The following PDCD1LG2 variants were observed in gnomAD, a reference collection of about 807,000 sequenced individuals.
PDCD1LG2 encodes the protein B7 dendritic cell molecule.
In PDCD1LG2, 32 loss-of-function variants were observed where a neutral mutation model predicts 28.2. The ratio of observed to expected loss-of-function variants is 1.13; its 90% CI spans 0.86 to 1.52. The LOEUF is 1.52. PDCD1LG2 is among the 40% of genes most tolerant of loss of function. The probability of loss-of-function intolerance (pLI) is 0.00; values close to 1 mark genes in which losing one functional copy is unlikely to be tolerated. For synonymous variants in PDCD1LG2, 116 were observed against 120.2 expected, an observed-to-expected ratio of 0.97 and a Z score of 0.23; for missense variants, 385 against 323.8, an observed-to-expected ratio of 1.19 and a Z score of -1.45.
intron 3 of PDCD1LG2, among the ~76,000 whole-genome samples, chr9:5,547,262 A>G (rs184961121): frequency 7.2e-4 from 110 of 152,310 alleles, no homozygotes; most frequent in African/African-American, 2.4e-3. Context: ...AAGTTGTATC[A>G]CACCTCTGCC....
At chr9:5,534,105 G>A (rs1157089402) in intron 2 of PDCD1LG2, among the ~76,000 whole-genome samples, 2 of 152,012 alleles carry the variant, frequency 1.3e-5, no homozygotes, top group Non-Finnish European at 2.9e-5. Context: ...CTGAAAAAAA[G>A]GATAGAATAT....
chr9:5,553,617 C>T (rs1816380742), intron 4 of PDCD1LG2, among the ~76,000 whole-genome samples: 1 of 152,240 alleles, frequency 6.6e-6, no homozygotes, highest in South Asian at 2.1e-4. Context: ...GCTCTGGAAG[C>T]CTTTACGCTG....
chr9:5,571,065 C>T lies in PDCD1LG2; in HGVS notation c.*1106C>T, dbSNP rs1816759471. 4.3e-6 allele frequency: 1 copy of T among 232,244 alleles called. No individual in the cohort carries two copies. The highest frequency in any genetic ancestry group is 1.8e-4 in the South Asian group (1 of 5,522). The allele number at this position is 232,244 out of a possible 1,614,324, so 14.4% of individuals were successfully genotyped here. ...CTGACCCTTGAACTATTCAAATGGG[C>T]ACATTAGCTAGTATAACAGACTTAC... On this transcript the variant is annotated 3_prime_UTR_variant, in exon 7 of 7. Transcript: ENST00000397747.
intron 1 of PDCD1LG2, among the ~76,000 whole-genome samples, chr9:5,513,972 A>T (rs974439206): frequency 6.6e-6 from 1 of 152,214 alleles, no homozygotes; most frequent in Non-Finnish European, 1.5e-5. Context: ...GGTATTTCAG[A>T]TCAATTGGGT....
In PDCD1LG2 at chr9:5,515,461, A is replaced by G. The variant is rs550238809; in HGVS notation, c.-15+4658A>G. On this transcript the variant is annotated intron_variant, in intron 1 of 6. Transcript: ENST00000397747. The stretch of plus-strand genomic sequence containing the variant: ...CCAGAAAAAATGAGGTATGTGGACA[A>G]CTGGAGGGTGAGCAAGGCGGAGAGG... 5.3e-5 allele frequency among the ~76,000 whole-genome samples: 8 copies of G among 152,338 alleles called. 1 individual carries two copies. The South Asian group carries it at 1.7e-3, about 32-fold the overall frequency.
At chr9:5,513,553 C>A (rs912893645) in intron 1 of PDCD1LG2, among the ~76,000 whole-genome samples, 4 of 152,220 alleles carry the variant, frequency 2.6e-5, no homozygotes, top group African/African-American at 9.6e-5. Flanking sequence ...TATGAATTCT[C>A]ACAACTTTCT....
At chr9:5,543,814 T>A (rs1820740169) in intron 3 of PDCD1LG2, among the ~76,000 whole-genome samples, 1 of 45,334 alleles carries the variant, frequency 2.2e-5, no homozygotes, top group Non-Finnish European at 4.1e-5. Flanking sequence ...ACACGTTTTT[T>A]AAAAATAAAG....
intron 6 of PDCD1LG2, among the ~76,000 whole-genome samples, chr9:5,568,987 C>T (rs989311772): frequency 6.6e-6 from 1 of 152,108 alleles, no homozygotes; most frequent in Admixed American, 6.6e-5. Context: ...ACAGCAAACT[C>T]TTCTAGATAG....
intron 1 of PDCD1LG2, among the ~76,000 whole-genome samples, chr9:5,515,939 AAAAAAAAAAAG>A (rs1563819252): frequency 6.7e-6 from 1 of 150,042 alleles, no homozygotes; most frequent in Non-Finnish European, 1.5e-5. Context: ...AAAAAAAAAA[AAAAAAAAAAAG>A]AAAAGAAAGA....
chr9:5,536,993 A>C (rs2129808001), intron 3 of PDCD1LG2, among the ~76,000 whole-genome samples: 1 of 152,330 alleles, frequency 6.6e-6, no homozygotes. Flanking sequence ...TATAGTGTTA[A>C]ATAAAAGAAT....
intron 2 of PDCD1LG2, among the ~76,000 whole-genome samples, chr9:5,523,039 T>C (rs1820307126): frequency 6.6e-6 from 1 of 152,192 alleles, no homozygotes; most frequent in Admixed American, 6.5e-5. Context: ...TGCATATTAT[T>C]AGTTGTTTCT....
At chr9:5,512,723 G>C (rs929035166) in intron 1 of PDCD1LG2, among the ~76,000 whole-genome samples, 1 of 151,812 alleles carries the variant, frequency 6.6e-6, no homozygotes, top group Non-Finnish European at 1.5e-5. Flanking sequence ...CAATTTTTTG[G>C]AATGCTTATG....
chr9:5,530,962 GA>G (rs1412376309), intron 2 of PDCD1LG2, among the ~76,000 whole-genome samples: 1 of 152,230 alleles, frequency 6.6e-6, no homozygotes, highest in Non-Finnish European at 1.5e-5. Context: ...ACAACACTTT[GA>G]AGGCAAGGTG....
At chr9:5,541,794 C>T (rs534299635) in intron 3 of PDCD1LG2, among the ~76,000 whole-genome samples, 1 of 152,150 alleles carries the variant, frequency 6.6e-6, no homozygotes, top group South Asian at 2.1e-4. Flanking sequence ...CATCAAAATA[C>T]TACCATCATT....
At chr9:5,536,226 G>C (rs775474707) in intron 3 of PDCD1LG2, among the ~76,000 whole-genome samples, 3 of 152,152 alleles carry the variant, frequency 2.0e-5, no homozygotes, top group African/African-American at 7.2e-5. Flanking sequence ...TGTAGAAGAC[G>C]AACAATAGTA....
intron 6 of PDCD1LG2, among the ~76,000 whole-genome samples, chr9:5,566,197 G>A (rs925721569): frequency 1.3e-5 from 2 of 152,202 alleles, no homozygotes; most frequent in African/African-American, 4.8e-5. Context: ...CATGTCCCTT[G>A]CATGTACTTC....
chr9:5,517,719 G>A (rs78492353), intron 1 of PDCD1LG2, among the ~76,000 whole-genome samples: 3,111 of 152,294 alleles, frequency 0.02, 69 homozygotes, highest in East Asian at 0.09. Flanking sequence ...GACTCTGACC[G>A]ATATGGAAGC....
intron 1 of PDCD1LG2, 22 bp from the exon 2 acceptor site, chr9:5,522,511 G>A: frequency 3.1e-6 from 5 of 1,595,912 alleles, no homozygotes; most frequent in Non-Finnish European, 4.3e-6. Flanking sequence ...AAGGCCCTGA[G>A]ACTTTCAATT....
chr9:5,547,114 C>A (rs369913493), intron 3 of PDCD1LG2, among the ~76,000 whole-genome samples: 6 of 152,160 alleles, frequency 3.9e-5, no homozygotes, highest in African/African-American at 1.4e-4. Flanking sequence ...GGACGTGGCA[C>A]AAAGCTCAAC....
Sources: gnomAD v4.1 joint callset for allele counts (sites outside exome capture counted in the v4.1 genomes callset) on GRCh38, gnomAD v4.1.1 for gene constraint, MANE v1.5 for transcripts, NCBI Gene and HGNC (gene_info 2026-07-23, HGNC 2026-07-21) for gene names.